Variants in TENM3 observed in about 807,000 individuals in gnomAD.
TENM3 encodes the protein teneurin-3.
In TENM3, 63 loss-of-function variants were observed where a neutral mutation model predicts 255.1. The observed-to-expected ratio is 0.25, with a 90% CI of 0.20 to 0.30. The LOEUF (loss-of-function observed/expected upper bound fraction) is 0.30, where lower values mean the gene tolerates loss of function less well. Among genes scored for constraint, TENM3 ranks in the 10% least tolerant of loss-of-function variants. The probability of loss-of-function intolerance (pLI) is 1.00; values close to 1 mark genes in which losing one functional copy is unlikely to be tolerated. For missense variants in TENM3, 2,929 were observed against 3,461.1 expected, an observed-to-expected ratio of 0.85 and a Z score of 3.86; for synonymous variants, 1,306 against 1,322.3, an observed-to-expected ratio of 0.99 and a Z score of 0.27.
chr4:181,879,257 T>C, the TENM3 span, among the ~76,000 whole-genome samples: 1 of 151,372 alleles, frequency 6.6e-6, no homozygotes, highest in South Asian at 2.1e-4. Context: ...TGAGAAATCA[T>C]TACAGGCAAA....
chr4:181,728,510 C>A, the TENM3 span, among the ~76,000 whole-genome samples: 1 of 152,096 alleles, frequency 6.6e-6, no homozygotes, highest in Non-Finnish European at 1.5e-5. Flanking sequence ...CTTTTTAGAC[C>A]ATATAGGATA....
At position 182,799,739 on chromosome 4, in the gene TENM3, C is replaced by G. The variant is rs1233597472; in HGVS notation, c.7488C>G (p.Ile2496Met). Residue 2496 changes from isoleucine to methionine, a missense_variant, in exon 28 of 28, where the codon ATC becomes ATG. This residue lies in a region of TENM3 where 476 missense variants were observed against 480.1 expected (regional missense o/e 0.99). Transcript: ENST00000511685. This position sits in a 1 kb window ranked among gnomAD's most constrained non-coding sequence, Gnocchi z 4.2. ...WLWFATVKSL[I>M]GKGVMLAVSQ... ...GGTTCGCCACGGTCAAGTCGCTGATCGGCAAGGGCGTCATGCTGGCCGTCA... is the reference window on the plus strand; with the variant it reads ...GGTTCGCCACGGTCAAGTCGCTGATGGGCAAGGGCGTCATGCTGGCCGTCA... 2 of 1,560,148 alleles carry G rather than the reference C, an allele frequency of 1.3e-6. No homozygotes were observed. Among genetic ancestry groups the G allele is most frequent in the East Asian group, 2.4e-5 (1 of 41,258 alleles).
the TENM3 span, among the ~76,000 whole-genome samples, chr4:181,550,492 G>C: frequency 6.6e-6 from 1 of 152,178 alleles, no homozygotes; most frequent in Non-Finnish European, 1.5e-5. Flanking sequence ...AGTATGAATT[G>C]ATGGTGGTCA....
At chr4:182,565,919 A>G (rs946406503) in intron 3 of TENM3, among the ~76,000 whole-genome samples, 5 of 152,344 alleles carry the variant, frequency 3.3e-5, no homozygotes, top group South Asian at 2.1e-4. Context: ...GCATATTTCA[A>G]TAGCTTGCTG....
At chr4:181,945,166 G>A in the TENM3 span, among the ~76,000 whole-genome samples, 1 of 152,072 alleles carries the variant, frequency 6.6e-6, no homozygotes, top group Non-Finnish European at 1.5e-5. Context: ...GATAAGCAAT[G>A]TAGGGCTTTG....
At chr4:182,688,403 C>T (rs775590321) in intron 12 of TENM3, 52 bp downstream of exon 12, 17 of 1,357,076 alleles carry the variant, frequency 1.3e-5, no homozygotes, top group Non-Finnish European at 1.6e-5. Context: ...AGAAGAGCAC[C>T]GACGGTCAGC....
rs536406122 is a variant in TENM3, at chr4:182,611,185, T to A, written c.749+10024T>A. ...TCTTCTAGTAATGATCTCCAAAAAA[T>A]TTTTTATTACATTTGACAGGAAAAA... On this transcript the variant is annotated intron_variant, in intron 4 of 27. Transcript: ENST00000511685. Among the ~76,000 whole-genome samples the A allele has an allele frequency of 5.3e-5, 8 of 152,102 alleles. No individual in the cohort carries two copies. In the East Asian group the frequency reaches 5.8e-4, roughly 11 times the overall value.
At chr4:181,699,472 A>AAAAAAAAAAAAAAAAAAAAAAAAT in the TENM3 span, among the ~76,000 whole-genome samples, 3 of 133,054 alleles carry the variant, frequency 2.3e-5, no homozygotes, top group African/African-American at 9.0e-5. Flanking sequence ...AAAAAAAAAA[A>AAAAAAAAAAAAAAAAAAAAAAAAT]GAAAGAAAGA....
At chr4:182,517,805 T>G (rs554462506) in intron 3 of TENM3, among the ~76,000 whole-genome samples, 1 of 152,330 alleles carries the variant, frequency 6.6e-6, no homozygotes, top group African/African-American at 2.4e-5. Flanking sequence ...TCATCTTCAA[T>G]TATTTCAAAA....
the TENM3 span, among the ~76,000 whole-genome samples, chr4:181,605,478 C>G: frequency 2.2e-3 from 160 of 72,842 alleles, 2 homozygotes; most frequent in African/African-American, 8.3e-3. Context: ...GAGAGAGAAA[C>G]AGAGAAAGAA....
At chr4:182,676,165 C>G (rs1467787492) in intron 7 of TENM3, among the ~76,000 whole-genome samples, 1 of 152,186 alleles carries the variant, frequency 6.6e-6, no homozygotes, top group East Asian at 1.9e-4. Flanking sequence ...AGAATAGTTG[C>G]TTGAGCTTTC....
At chr4:182,160,324 A>C (rs1437837212) in intron 1 of TENM3, among the ~76,000 whole-genome samples, 2 of 152,180 alleles carry the variant, frequency 1.3e-5, no homozygotes, top group Non-Finnish European at 2.9e-5. Flanking sequence ...TTTTTAAAAA[A>C]ATGAAAATAA....
the TENM3 span, among the ~76,000 whole-genome samples, chr4:181,757,073 T>C: frequency 6.6e-6 from 1 of 152,142 alleles, no homozygotes; most frequent in African/African-American, 2.4e-5. Flanking sequence ...AAACCCGCCA[T>C]CACAAATAGG....
At position 182,793,885 on chromosome 4, in the gene TENM3, G is replaced by C; in HGVS notation, c.7213G>C (p.Asp2405His). The C allele has an allele frequency of 6.3e-7, 1 of 1,593,656 alleles. No individual in the cohort carries two copies. The highest frequency in any genetic ancestry group is 8.6e-7 in the Non-Finnish European group (1 of 1,168,880). ...CCATGACGTGAAAGATTACATCACA[G>C]GTAAGCATTTTGATTCCTTCCCAAG... Reference protein sequence around the residue: ...KIHDVKDYITDVNSWLVTFGF... With the variant: ...KIHDVKDYITHVNSWLVTFGF... The change falls in exon 26 of 28, where the codon GAT becomes CAT. Residue 2405 changes from aspartate to histidine, a missense_variant and splice_region_variant. Transcript: ENST00000511685. The surrounding 1 kb of genome is among the most constrained non-coding windows in gnomAD (Gnocchi z 5.7).
chr4:182,408,823 A>G (rs906609352), intron 3 of TENM3, among the ~76,000 whole-genome samples: 2 of 152,200 alleles, frequency 1.3e-5, no homozygotes, highest in East Asian at 3.8e-4. Context: ...TGCGATGCAC[A>G]CTCAAAAAAT....
In TENM3 at chr4:182,755,131, A is replaced by T; in HGVS notation, c.4764A>T (p.Thr1588=). 6.2e-7 allele frequency: 1 copy of T among 1,614,044 alleles called. No homozygotes were observed. Among genetic ancestry groups the T allele is most frequent in the Non-Finnish European group, 8.5e-7 (1 of 1,179,900 alleles). Residue 1588 remains threonine (T), a synonymous_variant, in exon 22 of 28, where the codon ACA becomes ACT. Transcript: ENST00000511685. ...VSPDNQVIWL[T]IGTNGCLKSM... is the part of the protein sequence containing the mutation. ...CTGATAACCAAGTGATATGGTTGAC[A>T]ATAGGAACAAATGGATGTTTGAAAA...
chr4:182,209,236 G>A (rs1754809420), intron 1 of TENM3, among the ~76,000 whole-genome samples: 1 of 151,380 alleles, frequency 6.6e-6, no homozygotes, highest in Admixed American at 6.6e-5. Flanking sequence ...CCAAAGTGCT[G>A]GGATTACAGG....
At chr4:182,528,468 T>C (rs1410482169) in intron 3 of TENM3, among the ~76,000 whole-genome samples, 1 of 152,180 alleles carries the variant, frequency 6.6e-6, no homozygotes, top group Admixed American at 6.5e-5. Flanking sequence ...TACAGAATTC[T>C]GAAGAAAAAA....
At chr4:182,733,428 T>C (rs1247446852) in intron 16 of TENM3, among the ~76,000 whole-genome samples, 1 of 144,172 alleles carries the variant, frequency 6.9e-6, no homozygotes, top group Non-Finnish European at 1.6e-5. Context: ...TATCCTATAT[T>C]GGGCAAGGGT....
Sources: gnomAD v4.1 joint callset for allele counts (sites outside exome capture counted in the v4.1 genomes callset) on GRCh38, gnomAD v4.1.1 for gene constraint, gnomAD v4.1.1 regional missense constraint, Gnocchi (gnomAD v3.1) non-coding constraint, MANE v1.5 for transcripts, NCBI Gene and HGNC (gene_info 2026-07-23, HGNC 2026-07-21) for gene names.